Variants in CDH3 observed in about 807,000 individuals in gnomAD.
CDH3 encodes the protein cadherin-3.
A neutral mutation model predicts 82.0 loss-of-function variants in CDH3; 54 were observed. That is an observed-to-expected ratio of 0.66 (90% CI 0.53 to 0.83). The LOEUF (loss-of-function observed/expected upper bound fraction) is 0.83. Among genes scored for constraint, CDH3 ranks in the 40% least tolerant of loss-of-function variants. The pLI is 0.00. For synonymous variants in CDH3, 446 were observed against 437.9 expected, an observed-to-expected ratio of 1.02 and a Z score of -0.23; for missense variants, 1,054 against 1,084.6, an observed-to-expected ratio of 0.97 and a Z score of 0.40.
chr16:68,719,081 A>G lies in CDH3; in HGVS notation c.100-3344A>G, dbSNP rs192719228. On this transcript the variant is annotated intron_variant, in intron 1 of 2. Coordinates refer to the CDH3 transcript ENST00000569080. Reference sequence around the variant, plus strand: ...AACATGGTGAAACCCCGTCTCTACTAAAAATACAAAATTAGCTGGGCGTGG... The same window carrying G: ...AACATGGTGAAACCCCGTCTCTACTGAAAATACAAAATTAGCTGGGCGTGG... 4.6e-5 allele frequency among the ~76,000 whole-genome samples: 7 copies of G among 152,120 alleles called. No individual in the cohort carries two copies. In the East Asian group the frequency reaches 7.8e-4, roughly 17 times the overall value.
At chr16:68,650,835 C>G (rs1222239143) in intron 2 of CDH3, among the ~76,000 whole-genome samples, 1 of 152,020 alleles carries the variant, frequency 6.6e-6, no homozygotes, top group African/African-American at 2.4e-5. Flanking sequence ...AGCCTGGTGG[C>G]CCAGTTCTGT....
intron 1 of CDH3, among the ~76,000 whole-genome samples, chr16:68,710,981 G>A (rs1372262927): frequency 1.1e-5 from 1 of 92,920 alleles, no homozygotes; most frequent in Non-Finnish European, 2.3e-5. Flanking sequence ...AGGGGGGAGG[G>A]GGGAGGGGAC....
At chr16:68,703,876 G>A (rs972573711), downstream of CDH3, among the ~76,000 whole-genome samples, 89 of 152,306 alleles carry the variant, frequency 5.8e-4, no homozygotes, top group African/African-American at 2.1e-3. Flanking sequence ...GAACCTGGGA[G>A]GCAGAGGTTG....
downstream of CDH3, among the ~76,000 whole-genome samples, chr16:68,705,063 A>G (rs563749652): frequency 6.6e-6 from 1 of 152,284 alleles, no homozygotes; most frequent in African/African-American, 2.4e-5. Context: ...CCCTGCCTCA[A>G]AAAAAACGAA....
intron 1 of CDH3, among the ~76,000 whole-genome samples, chr16:68,711,368 AAGAAAG>A (rs1962029524): frequency 7.1e-6 from 1 of 141,610 alleles, no homozygotes; most frequent in Non-Finnish European, 1.6e-5. Context: ...GGAAAGAAGA[AAGAAAG>A]AGAAAGAGCA....
chr16:68,645,641 C>T lies in CDH3; in HGVS notation c.51C>T (p.Cys17=). 2 of 1,542,008 alleles carry T rather than the reference C, an allele frequency of 1.3e-6. No individual in the cohort carries two copies. Among genetic ancestry groups the T allele is most frequent in the Non-Finnish European group, 1.7e-6 (2 of 1,146,480 alleles). Residue 17 remains cysteine (C), a synonymous_variant, in exon 2 of 16, where the codon TGC becomes TGT. Coordinates refer to ENST00000264012, the MANE Select transcript of CDH3 (RefSeq NM_001793.6). ...CTCTCTGCCCTCGGGCGCAGGTTTGCTGGCTGCAGTGCGCGGCCTCCGAGC... is the reference window on the plus strand; with the variant it reads ...CTCTCTGCCCTCGGGCGCAGGTTTGTTGGCTGCAGTGCGCGGCCTCCGAGC... ...PLASLLLLQV[C]WLQCAASEPC...
chr16:68,686,098 C>T (rs1323082969), intron 11 of CDH3, among the ~76,000 whole-genome samples: 1 of 152,230 alleles, frequency 6.6e-6, no homozygotes, highest in Non-Finnish European at 1.5e-5. Context: ...GGTGGATCAC[C>T]TGAGGTCAGG....
In CDH3 at chr16:68,685,272, G is replaced by A. The variant is rs574262103; in HGVS notation, c.1492G>A (p.Val498Met). ...MDPDSGQVTA[V>M]GTLDREDEQF... is the part of the protein sequence containing the mutation. ...CCCAGACAGTGGGCAGGTCACAGCTGTGGGCACCCTCGACCGTGAGGATGA... is the reference window on the plus strand; with the variant it reads ...CCCAGACAGTGGGCAGGTCACAGCTATGGGCACCCTCGACCGTGAGGATGA... The change falls in exon 11 of 16, where the codon GTG (valine) becomes ATG (methionine). Residue 498 changes from valine (V) to methionine (M), a missense_variant. By Grantham distance (21) the Val-to-Met change is conservative (BLOSUM62 1). Coordinates refer to ENST00000264012, the MANE Select transcript of CDH3 (RefSeq NM_001793.6). 6.2e-7 allele frequency: 1 copy of A among 1,614,168 alleles called. No individual in the cohort carries two copies. The highest frequency in any genetic ancestry group is 1.1e-5 in the South Asian group (1 of 91,084).
Position 68,678,768 on chromosome 16 carries a change from G to A in CDH3, c.553G>A (p.Gly185Ser). 1 of 1,614,138 alleles carries A rather than the reference G, an allele frequency of 6.2e-7. No homozygotes were observed. The highest frequency in any genetic ancestry group is 8.5e-7 in the Non-Finnish European group (1 of 1,180,022). ...REEIAKYELF[G>S]HAVSENGASV... ...AGAGCTGTGTACCCCACAGCTCTTT[G>A]GCCACGCTGTGTCAGAGAATGGTGC... Residue 185 changes from glycine to serine, a missense_variant, in exon 6 of 16, where the codon GGC (glycine) becomes AGC (serine). Gly to Ser is a moderately conservative substitution (Grantham distance 56, BLOSUM62 0). Transcript: ENST00000264012.
chr16:68,684,768 G>T lies in CDH3; in HGVS notation c.1368G>T (p.Gly456=). Residue 456 remains glycine, a synonymous_variant, in exon 10 of 16, where the codon GGG becomes GGT. Transcript: ENST00000264012. ...AGGTCCAGGAGGGCATCCCCACTGG[G>T]GAGCCTGTGTGTGTCTACACTGCAG... ...VVEVQEGIPT[G]EPVCVYTAED... is the part of the protein sequence containing the mutation. 1 of 1,614,158 alleles carries T rather than the reference G, an allele frequency of 6.2e-7. No homozygotes were observed. Among genetic ancestry groups the T allele is most frequent in the Non-Finnish European group, 8.5e-7 (1 of 1,180,008 alleles).
At chr16:68,669,619 G>A (rs113319937) in intron 2 of CDH3, among the ~76,000 whole-genome samples, 7 of 104,084 alleles carry the variant, frequency 6.7e-5, no homozygotes, top group Admixed American at 2.4e-4. Flanking sequence ...GGGGTGGCGG[G>A]GGGGGTGGGC....
chr16:68,708,657 T>C (rs556123111), intron 1 of CDH3, among the ~76,000 whole-genome samples: 365 of 152,040 alleles, frequency 2.4e-3, no homozygotes, highest in Middle Eastern at 6.8e-3. Flanking sequence ...TTTTTTCTTT[T>C]TTTTGAGACC....
At chr16:68,662,129 G>A (rs1356763922) in intron 2 of CDH3, among the ~76,000 whole-genome samples, 1 of 152,202 alleles carries the variant, frequency 6.6e-6, no homozygotes, top group Non-Finnish European at 1.5e-5. Flanking sequence ...AGTAACTGTT[G>A]AATTGGGATC....
chr16:68,717,570 C>G (rs1390116105), intron 1 of CDH3, among the ~76,000 whole-genome samples: 1 of 151,970 alleles, frequency 6.6e-6, no homozygotes, highest in East Asian at 1.9e-4. Flanking sequence ...GTCAGGAGTT[C>G]GAGACCAGCC....
In CDH3 at chr16:68,660,891, A is replaced by G. The variant is rs941523207; in HGVS notation, c.160+15141A>G. ...GGAGAATGGCGTGAACCCGGGAGGC[A>G]GAGCTTGCAGTGAGCCGAGATCCCG... On this transcript the variant is annotated intron_variant, in intron 2 of 15. Coordinates refer to ENST00000264012, the MANE Select transcript of CDH3 (RefSeq NM_001793.6). Among the ~76,000 whole-genome samples the G allele has an allele frequency of 7.4e-4, 113 of 151,876 alleles. 1 individual carries two copies. Among genetic ancestry groups the G allele is most frequent in the Middle Eastern group, 3.4e-3 (1 of 292 alleles).
intron 2 of CDH3, among the ~76,000 whole-genome samples, chr16:68,674,103 TGCCAAACTGTTTTCCACA>T (rs931464633): frequency 2.0e-5 from 3 of 152,232 alleles, no homozygotes; most frequent in African/African-American, 7.2e-5. Flanking sequence ...GTTGAGGAAC[TGCCAAACTGTTTTCCACA>T]GTGGCTGCAT....
At chr16:68,679,052 G>A in intron 6 of CDH3, 146 bp downstream of exon 6, 1 of 817,584 alleles carries the variant, frequency 1.2e-6, no homozygotes, top group Non-Finnish European at 2.0e-6. Context: ...TCCATCCCAA[G>A]GTTCCTGAAT....
chr16:68,667,180 TTTC>T (rs1960756197), intron 2 of CDH3, among the ~76,000 whole-genome samples: 1 of 152,232 alleles, frequency 6.6e-6, no homozygotes, highest in Non-Finnish European at 1.5e-5. Context: ...TGCCAGAATC[TTTC>T]TTCAAGTCAC....
At chr16:68,686,513 G>A in intron 11 of CDH3, 2 of 1,102,942 alleles carry the variant, frequency 1.8e-6, no homozygotes, top group Non-Finnish European at 2.8e-6. Context: ...TGCAGCAACA[G>A]TAGTTGCTGT....
Sources: allele counts gnomAD v4.1 joint callset (sites outside exome capture counted in the v4.1 genomes callset), GRCh38; gene constraint gnomAD v4.1.1; transcripts MANE v1.5; gene names NCBI Gene and HGNC (gene_info 2026-07-23, HGNC 2026-07-21).